Variants in GPR158 observed in about 807,000 individuals in gnomAD.
GPR158 encodes G protein-coupled receptor 158, also known as metabotropic glycine receptor.
In GPR158, 30 loss-of-function variants were observed where a neutral mutation model predicts 78.2. The ratio of observed to expected loss-of-function variants is 0.38; its 90% CI spans 0.29 to 0.52. The LOEUF (loss-of-function observed/expected upper bound fraction) is 0.52, where lower values mean the gene tolerates loss of function less well. Ranked by LOEUF, GPR158 falls within the 20% of genes least tolerant of loss-of-function variation. GPR158 has a pLI of 0.83. For synonymous variants in GPR158, 581 were observed against 591.1 expected (o/e 0.98, Z 0.25); for missense variants, 1,463 against 1,523.5 (o/e 0.96, Z 0.66).
intron 4 of GPR158, among the ~76,000 whole-genome samples, chr10:25,456,643 G>T (rs1835295175): frequency 6.6e-6 from 1 of 152,114 alleles, no homozygotes; most frequent in Non-Finnish European, 1.5e-5. Flanking sequence ...AAACTTCTAA[G>T]ATTAAAAAGG....
chr10:25,475,915 A>T (rs976524454), intron 5 of GPR158: 1 of 152,106 alleles, frequency 6.6e-6, no homozygotes, highest in Non-Finnish European at 1.5e-5. Context: ...TCTTCTTTAT[A>T]TGCTGCATAT....
intron 2 of GPR158, among the ~76,000 whole-genome samples, chr10:25,355,169 C>CTT (rs1855531522): frequency 7.0e-6 from 1 of 143,534 alleles, no homozygotes; most frequent in Admixed American, 6.8e-5. Context: ...TTAACTCCCT[C>CTT]TTGAACACTG....
At chr10:25,221,012 T>C in intron 1 of GPR158, 40 bp from the exon 2 acceptor site, 1 of 1,049,160 alleles carries the variant, frequency 9.5e-7, no homozygotes, top group South Asian at 1.4e-5. Flanking sequence ...ATCATAAATG[T>C]CCAGATTAAT....
intron 7 of GPR158, among the ~76,000 whole-genome samples, chr10:25,579,074 T>C (rs1044192731): frequency 6.6e-5 from 10 of 151,324 alleles, no homozygotes; most frequent in Non-Finnish European, 4.4e-5. Flanking sequence ...AACATTCTCC[T>C]AAATTAATGA....
At chr10:25,552,102 C>T (rs1311512230) in intron 6 of GPR158, among the ~76,000 whole-genome samples, 1 of 152,120 alleles carries the variant, frequency 6.6e-6, no homozygotes, top group Non-Finnish European at 1.5e-5. Context: ...ATGTGTTTGA[C>T]TCTCAAGATT....
intron 3 of GPR158, among the ~76,000 whole-genome samples, chr10:25,398,603 C>T (rs919659482): frequency 3.3e-5 from 5 of 152,174 alleles, no homozygotes; most frequent in African/African-American, 1.2e-4. Context: ...TAACCTTTAA[C>T]AACTTATCTT....
chr10:25,505,657 A>G (rs1836003236), intron 5 of GPR158, among the ~76,000 whole-genome samples: 1 of 152,246 alleles, frequency 6.6e-6, no homozygotes, highest in Non-Finnish European at 1.5e-5. Context: ...CAAGGCACTC[A>G]GAGACAATGC....
intron 2 of GPR158, among the ~76,000 whole-genome samples, chr10:25,325,388 T>C (rs1855015447): frequency 6.6e-6 from 1 of 152,154 alleles, no homozygotes; most frequent in East Asian, 1.9e-4. Context: ...CCTTCTTTTT[T>C]AAGACCAAGC....
intron 2 of GPR158, among the ~76,000 whole-genome samples, chr10:25,273,066 T>A (rs1211129864): frequency 6.6e-6 from 1 of 152,194 alleles, no homozygotes; most frequent in East Asian, 1.9e-4. Context: ...GATACTCTAA[T>A]ACCCAAGTCA....
Position 25,594,381 on chromosome 10 carries a change from T to A in GPR158, c.1982T>A (p.Leu661Ter). Residue 661 changes from leucine to a stop codon, truncating the protein, a stop_gained, in exon 9 of 11, where the codon TTG becomes TAG. Transcript: ENST00000376351. LOFTEE classifies it high-confidence loss of function. ...TTGACTGTGACAGTCACCATTGGGTTGCTTTTGATTCCAAAGGTATTCTTC... is the reference window on the plus strand; with the variant it reads ...TTGACTGTGACAGTCACCATTGGGTAGCTTTTGATTCCAAAGGTATTCTTC... The part of the protein sequence containing the change: ...THLTVTVTIG[L>*]LLIPKFSHSS... 1 of 1,521,276 alleles carries A rather than the reference T, an allele frequency of 6.6e-7. No homozygotes were observed. Among genetic ancestry groups the A allele is most frequent in the Non-Finnish European group, 9.1e-7 (1 of 1,102,624 alleles). The allele number at this position is 1,521,276 out of a possible 1,614,324, so 94.2% of individuals were successfully genotyped here.
chr10:25,375,032 C>A (rs1006071103), intron 2 of GPR158, among the ~76,000 whole-genome samples: 4 of 151,630 alleles, frequency 2.6e-5, no homozygotes, highest in African/African-American at 9.7e-5. Flanking sequence ...GATTTAGTTT[C>A]TCTGTATTCT....
chr10:25,238,032 TA>T (rs869028587), intron 2 of GPR158, among the ~76,000 whole-genome samples: 1 of 152,114 alleles, frequency 6.6e-6, no homozygotes, highest in Non-Finnish European at 1.5e-5. Context: ...CTTCCTTTTT[TA>T]AAAAAATTCT....
chr10:25,445,116 C>T (rs1178670267), intron 4 of GPR158, among the ~76,000 whole-genome samples: 1 of 152,196 alleles, frequency 6.6e-6, no homozygotes, highest in East Asian at 1.9e-4. Flanking sequence ...TATTTTCTAG[C>T]AGCTTCAAGT....
chr10:25,328,577 C>G (rs1054186625), intron 2 of GPR158, among the ~76,000 whole-genome samples: 1 of 151,944 alleles, frequency 6.6e-6, no homozygotes, highest in African/African-American at 2.4e-5. Context: ...ACTTAAAAGT[C>G]AATGTGTCCA....
At chr10:25,525,843 T>C (rs1167596936) in intron 5 of GPR158, among the ~76,000 whole-genome samples, 1 of 152,074 alleles carries the variant, frequency 6.6e-6, no homozygotes, top group African/African-American at 2.4e-5. Context: ...ACGGTGGCTC[T>C]CTTCTGTAAT....
intron 4 of GPR158, among the ~76,000 whole-genome samples, chr10:25,445,603 C>A (rs1185520047): frequency 6.6e-6 from 1 of 152,142 alleles, no homozygotes; most frequent in African/African-American, 2.4e-5. Context: ...AATTAGGGAT[C>A]TGTTATAATA....
chr10:25,434,971 C>T (rs1754246), intron 4 of GPR158, among the ~76,000 whole-genome samples: 106,349 of 152,000 alleles, frequency 0.7, 38,215 homozygotes, highest in Non-Finnish European at 0.8. Context: ...CACATACATT[C>T]TGAGAAATTT....
At chr10:25,183,637 C>T (rs7086178) in intron 1 of GPR158, among the ~76,000 whole-genome samples, 6,825 of 152,148 alleles carry the variant, frequency 0.045, 446 homozygotes, top group African/African-American at 0.14. Flanking sequence ...TTATAATCTT[C>T]CTCATTTAAT....
chr10:25,453,201 G>T (rs367696642), intron 4 of GPR158, among the ~76,000 whole-genome samples: 14 of 152,140 alleles, frequency 9.2e-5, no homozygotes, highest in Admixed American at 2.0e-4. Context: ...TGCAGATACC[G>T]CTTCGACATA....
Sources: allele counts gnomAD v4.1 joint callset (sites outside exome capture counted in the v4.1 genomes callset), GRCh38; gene constraint gnomAD v4.1.1; transcripts MANE v1.5; gene names NCBI Gene and HGNC (gene_info 2026-07-23, HGNC 2026-07-21).